SIRPB1: variants seen among roughly 807,000 people sequenced by gnomAD.
SIRPB1 encodes the protein signal-regulatory protein beta-1.
In SIRPB1, 28 loss-of-function variants were observed where a neutral mutation model predicts 34.1. The ratio of observed to expected loss-of-function variants is 0.82; its 90% CI spans 0.61 to 1.12. SIRPB1 has a LOEUF of 1.12. SIRPB1 is among the 50% of genes most tolerant of loss of function. The probability of loss-of-function intolerance (pLI) is 0.00; values close to 1 mark genes in which losing one functional copy is unlikely to be tolerated. For missense variants in SIRPB1, 499 were observed against 507.0 expected, an observed-to-expected ratio of 0.98 and a Z score of 0.15; for synonymous variants, 211 against 203.8, an observed-to-expected ratio of 1.04 and a Z score of -0.30.
chr20:1,570,801 G>A lies in SIRPB1; in HGVS notation c.1084+4C>T, dbSNP rs750840810. 2.5e-5 allele frequency: 40 copies of A among 1,587,590 alleles called. No individual in the cohort carries two copies. Among genetic ancestry groups the A allele is most frequent in the Middle Eastern group, 1.7e-4 (1 of 5,950 alleles). On this transcript the variant is annotated splice_donor_region_variant and intron_variant, in intron 4 of 5. Coordinates refer to ENST00000381605, the MANE Select transcript of SIRPB1 (RefSeq NM_006065.5). The stretch of plus-strand genomic sequence containing the variant: ...CAAAATTTAAAAATGGGAAGTAACC[G>A]CACCATGGGTGATATCTGAGCCGTG...
At chr20:1,615,059 T>C (rs1410137288) in intron 1 of SIRPB1, among the ~76,000 whole-genome samples, 2 of 152,246 alleles carry the variant, frequency 1.3e-5, no homozygotes, top group East Asian at 3.8e-4. Flanking sequence ...CATATTAATG[T>C]CACATAATCC....
In SIRPB1 at chr20:1,562,310, T is replaced by G. The variant is rs1398012295; in HGVS notation, c.*3190A>C. ...GCCAAGTGATCAAATGAAGAGAAGT[T>G]TTCTTTTGAAATCCAACACCTAGTA... On this transcript the variant is annotated 3_prime_UTR_variant, in exon 6 of 6. Transcript: ENST00000381605. 6.6e-6 allele frequency among the ~76,000 whole-genome samples: 1 copy of G among 152,132 alleles called. No homozygotes were observed. The highest frequency in any genetic ancestry group is 1.5e-5 in the Non-Finnish European group (1 of 68,034).
intron 1 of SIRPB1, among the ~76,000 whole-genome samples, chr20:1,617,758 T>A (rs2091651204): frequency 6.6e-6 from 1 of 152,222 alleles, no homozygotes; most frequent in African/African-American, 2.4e-5. Flanking sequence ...TTCTGCAATG[T>A]ACACATATTT....
Position 1,566,280 on chromosome 20 carries a change from GA to G in SIRPB1, c.1085-14del. 1 of 1,563,514 alleles carries G rather than the reference GA, an allele frequency of 6.4e-7. No homozygotes were observed. Reference sequence around the variant, plus strand: ...GCCAGCGCTGCTTCTGGAAATCAGGGAAGAGGAGGAGCCATGAGAGGGGCCA... The same window carrying G: ...GCCAGCGCTGCTTCTGGAAATCAGGGAGAGGAGGAGCCATGAGAGGGGCCA... On this transcript the variant is annotated splice_polypyrimidine_tract_variant and intron_variant, in intron 4 of 5. Transcript: ENST00000381605.
intron 1 of SIRPB1, among the ~76,000 whole-genome samples, chr20:1,610,187 C>T (rs2091550415): frequency 1.4e-5 from 1 of 72,892 alleles, no homozygotes; most frequent in Non-Finnish European, 2.6e-5. Context: ...GCATTCTTAA[C>T]ATTTGGGAAA....
Position 1,612,705 on chromosome 20 carries a change from A to T in SIRPB1, c.76+7164T>A, listed in dbSNP as rs199563106. ...TTGTAATATTTCACCCATAGCATAA[A>T]CACATTACATAAGTTTCCTAATGCT... is the stretch of plus-strand genomic sequence containing the variant. On this transcript the variant is annotated intron_variant, in intron 1 of 5. Coordinates refer to ENST00000381605, the MANE Select transcript of SIRPB1 (RefSeq NM_006065.5). 2.7e-5 allele frequency among the ~76,000 whole-genome samples: 2 copies of T among 73,056 alleles called. 1 individual carries two copies. The highest frequency in any genetic ancestry group is 1.1e-3 in the South Asian group (2 of 1,782). The allele number at this position is 73,056 out of a possible 152,430, so 47.9% of individuals were successfully genotyped here.
At chr20:1,619,057 C>T (rs2091671052) in intron 1 of SIRPB1, among the ~76,000 whole-genome samples, 2 of 152,150 alleles carry the variant, frequency 1.3e-5, no homozygotes, top group Admixed American at 1.3e-4. Flanking sequence ...GACACAGACA[C>T]ACACAGAGGA....
chr20:1,562,622 G>C lies in SIRPB1; in HGVS notation c.*2878C>G, dbSNP rs534410905. Among the ~76,000 whole-genome samples the C allele has an allele frequency of 2.6e-5, 4 of 152,174 alleles. No homozygotes were observed. The highest frequency in any genetic ancestry group is 6.5e-5 in the Admixed American group (1 of 15,276). ...TAGTAAATTTAATGTAATTTGCATAGAGTACAAACTTCTGGGCTAGCTCTT... is the reference window on the plus strand; with the variant it reads ...TAGTAAATTTAATGTAATTTGCATACAGTACAAACTTCTGGGCTAGCTCTT... On this transcript the variant is annotated 3_prime_UTR_variant, in exon 6 of 6. Transcript: ENST00000381605.
At chr20:1,568,340 T>C (rs1412695581) in intron 4 of SIRPB1, among the ~76,000 whole-genome samples, 1 of 152,160 alleles carries the variant, frequency 6.6e-6, no homozygotes, top group Non-Finnish European at 1.5e-5. Flanking sequence ...ACAGAAGGCA[T>C]CCTGCAGTTT....
intron 4 of SIRPB1, 57 bp downstream of exon 4, chr20:1,570,748 A>G: frequency 7.6e-7 from 1 of 1,307,536 alleles, no homozygotes; most frequent in Non-Finnish European, 1.1e-6. Context: ...ACAAGCATGA[A>G]TATTGCTTTT....
chr20:1,618,421 T>C (rs2091661802), intron 1 of SIRPB1, among the ~76,000 whole-genome samples: 2 of 152,234 alleles, frequency 1.3e-5, no homozygotes, highest in African/African-American at 2.4e-5. Context: ...TTCCTCCCTC[T>C]GCCTGAGTCT....
At position 1,571,952 on chromosome 20, in the gene SIRPB1, G is replaced by A; in HGVS notation, c.519C>T (p.Gly173=). ...HTVSFTCESH[G]FSPRDITLKW... Reference sequence around the variant, plus strand: ...TCAGGGTGATGTCTCTGGGAGAGAAGCCATGGGACTCGCAGGTGAAGCTCA... The same window carrying A: ...TCAGGGTGATGTCTCTGGGAGAGAAACCATGGGACTCGCAGGTGAAGCTCA... Residue 173 remains glycine (G), a synonymous_variant, in exon 3 of 6, where the codon GGC becomes GGT. Transcript: ENST00000381605. The A allele has an allele frequency of 1.9e-6, 3 of 1,614,166 alleles. No individual in the cohort carries two copies. Among genetic ancestry groups the A allele is most frequent in the South Asian group, 2.2e-5 (2 of 91,084 alleles).
Position 1,566,235 on chromosome 20 carries a change from C to T in SIRPB1, c.1117G>A (p.Val373Ile), listed in dbSNP as rs762397944. The part of the protein sequence containing the change: ...AALAPTAPLL[V>I]ALLLGPKLLL... ...AGCTTGGGGCCCAGGAGGAGAGCTA[C>T]GAGGAGTGGAGCAGTAGGAGCCAGC... The change falls in exon 5 of 6, where the codon GTA becomes ATA. Residue 373 changes from valine to isoleucine, a missense_variant. By Grantham distance (29) the Val-to-Ile change is conservative. Coordinates refer to ENST00000381605, the MANE Select transcript of SIRPB1 (RefSeq NM_006065.5). 74 of 1,610,818 alleles carry T rather than the reference C, an allele frequency of 4.6e-5. No homozygotes were observed. Among genetic ancestry groups the T allele is most frequent in the Admixed American group, 8.4e-5 (5 of 59,490 alleles).
intron 2 of SIRPB1, chr20:1,578,111 A>G (rs1428182295): frequency 8.9e-6 from 5 of 562,700 alleles, no homozygotes; most frequent in South Asian, 2.0e-5. Flanking sequence ...AGAGCCGCAG[A>G]CTGGGGATGC....
chr20:1,570,774 G>C (rs768152195), intron 4 of SIRPB1, 31 bp downstream of exon 4: 6 of 1,522,334 alleles, frequency 3.9e-6, no homozygotes, highest in Non-Finnish European at 5.4e-6. Context: ...TAAAGAAAAA[G>C]ACAAAATTTA....
At position 1,614,926 on chromosome 20, in the gene SIRPB1, C is replaced by T. The variant is rs145288750; in HGVS notation, c.76+4943G>A. Reference sequence around the variant, plus strand: ...TTTGTGTTGCCTTTTGGAGTGCTGCCATGGCTCTCCATCCTGAAGCGAGGA... The same window carrying T: ...TTTGTGTTGCCTTTTGGAGTGCTGCTATGGCTCTCCATCCTGAAGCGAGGA... On this transcript the variant is annotated intron_variant, in intron 1 of 5. Coordinates refer to ENST00000381605, the MANE Select transcript of SIRPB1 (RefSeq NM_006065.5). 3.5e-3 allele frequency among the ~76,000 whole-genome samples: 533 copies of T among 152,228 alleles called. 1 individual carries two copies. Among genetic ancestry groups the T allele is most frequent in the Non-Finnish European group, 5.1e-3 (346 of 68,024 alleles).
intron 4 of SIRPB1, 58 bp from the exon 5 acceptor site, chr20:1,566,325 G>T: frequency 9.2e-7 from 1 of 1,088,356 alleles, no homozygotes. Context: ...CTCATCCCAG[G>T]GGCCTCCACT....
rs966819443 is a variant in SIRPB1, at chr20:1,595,483, G to A, written c.77-16789C>T. On this transcript the variant is annotated intron_variant, in intron 1 of 5. Transcript: ENST00000381605. ...TGTCCCAGGAGGGAAGTTGCTGTGG[G>A]AGGAAGGGGCCATGAGACTGGGGCC... 4.1e-5 allele frequency among the ~76,000 whole-genome samples: 2 copies of A among 48,840 alleles called. 1 individual carries two copies. Among genetic ancestry groups the A allele is most frequent in the Non-Finnish European group, 7.9e-5 (2 of 25,250 alleles). 32.0% of individuals were successfully genotyped at this position (48,840 alleles called of 152,430 possible).
Position 1,612,861 on chromosome 20 carries a change from A to G in SIRPB1, c.76+7008T>C, listed in dbSNP as rs1261613774. Among the ~76,000 whole-genome samples the G allele has an allele frequency of 2.8e-5, 2 of 72,084 alleles. 1 individual carries two copies. Among genetic ancestry groups the G allele is most frequent in the Non-Finnish European group, 5.2e-5 (2 of 38,550 alleles). 47.3% of individuals were successfully genotyped at this position (72,084 alleles called of 152,430 possible). A position where few individuals can be genotyped will look rare whatever the true frequency, so the allele number is the denominator to read the frequency against. On this transcript the variant is annotated intron_variant, in intron 1 of 5. Coordinates refer to ENST00000381605, the MANE Select transcript of SIRPB1 (RefSeq NM_006065.5). ...AATGAAGAACGTCAAATACACAAAG[A>G]TAGAGAATAAAACAGTGGTGACTAG...
Sources: allele counts gnomAD v4.1 joint callset (sites outside exome capture counted in the v4.1 genomes callset), GRCh38; gene constraint gnomAD v4.1.1; transcripts MANE v1.5; gene names NCBI Gene and HGNC (gene_info 2026-07-23, HGNC 2026-07-21).